Variants in CERS3 observed in about 807,000 individuals in gnomAD.
The protein encoded by CERS3 is LAG1 homolog, ceramide synthase 3.
CERS3 carries 33 observed loss-of-function variants against 50.3 expected under a neutral mutation model. The observed-to-expected ratio is 0.66, with a 90% CI of 0.50 to 0.88. CERS3 has a LOEUF of 0.88. Ranked by LOEUF, CERS3 falls within the 40% of genes least tolerant of loss-of-function variation. The pLI is 0.00. For missense variants in CERS3, 470 were observed against 460.3 expected, an observed-to-expected ratio of 1.02 and a Z score of -0.19; for synonymous variants, 176 against 155.2, an observed-to-expected ratio of 1.13 and a Z score of -0.99.
intron 11 of CERS3, among the ~76,000 whole-genome samples, chr15:100,407,289 C>A (rs571068495): frequency 6.6e-6 from 1 of 152,336 alleles, no homozygotes; most frequent in African/African-American, 2.4e-5. Context: ...CATCTGCTCC[C>A]AACCACACAC....
intron 3 of CERS3, chr15:100,500,487 C>T (rs1352125760): frequency 6.6e-6 from 1 of 152,150 alleles, no homozygotes; most frequent in East Asian, 1.9e-4. Context: ...TGGAGCTGTC[C>T]ACCAAAAAGT....
chr15:100,494,065 G>A (rs985539611), intron 3 of CERS3, among the ~76,000 whole-genome samples: 5 of 151,274 alleles, frequency 3.3e-5, no homozygotes, highest in African/African-American at 1.2e-4. Context: ...TTCTTTCCAT[G>A]TCTCATAAGT....
At chr15:100,505,428 T>C (rs1377676069) in intron 2 of CERS3, among the ~76,000 whole-genome samples, 1 of 152,198 alleles carries the variant, frequency 6.6e-6, no homozygotes, top group African/African-American at 2.4e-5. Flanking sequence ...CCAAAAATTT[T>C]AGGGAAGATG....
intron 10 of CERS3, among the ~76,000 whole-genome samples, chr15:100,465,659 C>CTTT (rs574991706): frequency 7.1e-6 from 1 of 140,864 alleles, no homozygotes; most frequent in Non-Finnish European, 1.6e-5. Flanking sequence ...TTGTTTTGAA[C>CTTT]TTTTTTTTTT....
chr15:100,502,222 C>T (rs113906634), intron 2 of CERS3, among the ~76,000 whole-genome samples: 7,712 of 124,892 alleles, frequency 0.062, 294 homozygotes, highest in Admixed American at 0.15. Flanking sequence ...TCCAGCCTGG[C>T]GACAGAGCAA....
chr15:100,514,478 G>T (rs181308776), intron 2 of CERS3, among the ~76,000 whole-genome samples: 84 of 152,252 alleles, frequency 5.5e-4, no homozygotes, highest in Admixed American at 4.2e-3. Flanking sequence ...ATGTTCAAGT[G>T]TACCTGGGAA....
At chr15:100,504,196 A>T (rs2587779) in intron 2 of CERS3, among the ~76,000 whole-genome samples, 138,769 of 150,732 alleles carry the variant, frequency 0.92, 64,002 homozygotes, top group Middle Eastern at 0.97. Flanking sequence ...CACACCTGCA[A>T]GGCTGTGCCC....
At chr15:100,496,748 G>A (rs1024344419) in intron 3 of CERS3, among the ~76,000 whole-genome samples, 1 of 152,140 alleles carries the variant, frequency 6.6e-6, no homozygotes, top group Non-Finnish European at 1.5e-5. Flanking sequence ...ACTATCTTCT[G>A]CCAGTCCAGT....
At chr15:100,500,432 C>T (rs2035962260) in intron 3 of CERS3, 1 of 152,092 alleles carries the variant, frequency 6.6e-6, no homozygotes, top group Admixed American at 6.6e-5. Flanking sequence ...TCTTTGGCAA[C>T]CTAAAGATGT....
chr15:100,428,492 G>C (rs2032950199), intron 11 of CERS3, among the ~76,000 whole-genome samples: 1 of 152,184 alleles, frequency 6.6e-6, no homozygotes, highest in Admixed American at 6.5e-5. Flanking sequence ...GGTGATTCCG[G>C]GACCTTGCTG....
intron 2 of CERS3, among the ~76,000 whole-genome samples, chr15:100,514,604 A>T (rs1451343583): frequency 6.6e-6 from 1 of 152,210 alleles, no homozygotes; most frequent in Non-Finnish European, 1.5e-5. Flanking sequence ...CATTTGAAAT[A>T]TTAACTCCAG....
intron 1 of CERS3, among the ~76,000 whole-genome samples, chr15:100,525,163 A>G (rs1227208760): frequency 6.6e-6 from 1 of 152,166 alleles, no homozygotes; most frequent in African/African-American, 2.4e-5. Flanking sequence ...TGTGTTTACC[A>G]ATCCTGAGCA....
intron 2 of CERS3, among the ~76,000 whole-genome samples, chr15:100,510,599 G>A (rs1247532570): frequency 1.3e-5 from 2 of 152,186 alleles, no homozygotes; most frequent in Non-Finnish European, 2.9e-5. Context: ...GCTCCATGAG[G>A]CAGCATTCTC....
intron 8 of CERS3, among the ~76,000 whole-genome samples, chr15:100,473,351 C>T (rs1219826822): frequency 6.6e-6 from 1 of 152,064 alleles, no homozygotes; most frequent in African/African-American, 2.4e-5. Context: ...TGTACACCTA[C>T]AGTTATTGTT....
At chr15:100,403,538 T>C (rs1379070694) in intron 11 of CERS3, among the ~76,000 whole-genome samples, 1 of 151,962 alleles carries the variant, frequency 6.6e-6, no homozygotes, top group Non-Finnish European at 1.5e-5. Flanking sequence ...AAAGCACAAA[T>C]TAACAGTAAA....
intron 11 of CERS3, among the ~76,000 whole-genome samples, chr15:100,409,805 T>C (rs2011251): frequency 0.57 from 87,364 of 152,084 alleles, 25,330 homozygotes; most frequent in Non-Finnish European, 0.6. Context: ...CCTGACCCCT[T>C]TACAAATCAT....
chr15:100,406,797 G>A (rs1227846750), intron 11 of CERS3, among the ~76,000 whole-genome samples: 1 of 152,080 alleles, frequency 6.6e-6, no homozygotes, highest in Non-Finnish European at 1.5e-5. Flanking sequence ...CTCTTTCCAC[G>A]CTGCTGATAA....
chr15:100,470,045 T>C (rs1259474302), intron 9 of CERS3, among the ~76,000 whole-genome samples: 1 of 152,198 alleles, frequency 6.6e-6, no homozygotes, highest in African/African-American at 2.4e-5. Flanking sequence ...TGCTAGTCTA[T>C]ACTGCTCATA....
chr15:100,540,571 C>T (rs1165750129), intron 1 of CERS3, among the ~76,000 whole-genome samples: 2 of 152,164 alleles, frequency 1.3e-5, no homozygotes, highest in African/African-American at 4.8e-5. Context: ...CCTTTCTCTT[C>T]CTAAACTCTT....
Sources: allele counts gnomAD v4.1 joint callset (sites outside exome capture counted in the v4.1 genomes callset), GRCh38; gene constraint gnomAD v4.1.1; transcripts MANE v1.5; gene names NCBI Gene and HGNC (gene_info 2026-07-23, HGNC 2026-07-21).